The following ATOSA variants were observed in gnomAD, a reference collection of about 807,000 sequenced individuals.
ATOSA encodes the protein atos homolog A, also known as atos homolog protein A.
At chr15:52,636,980 G>T in the ATOSA span, among the ~76,000 whole-genome samples, 1 of 152,112 alleles carries the variant, frequency 6.6e-6, no homozygotes, top group South Asian at 2.1e-4. Context: ...TGTACTTCTG[G>T]TTGGCACTCA....
the ATOSA span, among the ~76,000 whole-genome samples, chr15:52,680,901 A>G: frequency 1.1e-5 from 1 of 94,886 alleles, no homozygotes; most frequent in Admixed American, 1.1e-4. Flanking sequence ...AATGGGAGAC[A>G]GAACAGTTAC....
chr15:52,702,958 T>C, the ATOSA span, among the ~76,000 whole-genome samples: 1 of 152,068 alleles, frequency 6.6e-6, no homozygotes, highest in Admixed American at 6.6e-5. Context: ...TGTACACAAA[T>C]TTTCATAGTA....
chr15:52,636,382 T>C, the ATOSA span, among the ~76,000 whole-genome samples: 2 of 152,146 alleles, frequency 1.3e-5, no homozygotes, highest in African/African-American at 4.8e-5. Context: ...AAAACTCATA[T>C]GTTGAAGTCC....
At chr15:52,621,836 C>T in the ATOSA span, among the ~76,000 whole-genome samples, 1 of 150,812 alleles carries the variant, frequency 6.6e-6, no homozygotes, top group Admixed American at 6.6e-5. Context: ...TGAGAATACA[C>T]TAACATACTT....
At chr15:52,592,661 T>TA in the ATOSA span, among the ~76,000 whole-genome samples, 504 of 152,262 alleles carry the variant, frequency 3.3e-3, 21 homozygotes, top group East Asian at 0.093. Context: ...GCTGATGAGC[T>TA]AAAAAACAAA....
the ATOSA span, among the ~76,000 whole-genome samples, chr15:52,591,497 G>A: frequency 3.4e-3 from 519 of 152,188 alleles, 5 homozygotes; most frequent in South Asian, 4.4e-3. Context: ...TGATCTGTCC[G>A]CCCCAGCCTC....
the ATOSA span, chr15:52,608,855 CTTTTA>C: frequency 1.9e-6 from 3 of 1,609,208 alleles, no homozygotes; most frequent in Non-Finnish European, 2.5e-6. Flanking sequence ...AACACAGTAA[CTTTTA>C]TTTTTGAGTC....
At chr15:52,613,704 G>C in the ATOSA span, 1 of 1,613,858 alleles carries the variant, frequency 6.2e-7, no homozygotes, top group Non-Finnish European at 8.5e-7. Context: ...TTCATGTTTG[G>C]TAGTTACTGG....
At chr15:52,586,500 AT>A in the ATOSA span, 2 of 152,242 alleles carry the variant, frequency 1.3e-5, no homozygotes, top group Admixed American at 6.5e-5. Context: ...TCTGTAATAG[AT>A]TTGAGGGCTT....
the ATOSA span, among the ~76,000 whole-genome samples, chr15:52,692,596 G>A: frequency 4.7e-4 from 71 of 152,164 alleles, no homozygotes; most frequent in Middle Eastern, 0.017. Context: ...TCAAGCCATC[G>A]TCCTGCTTTG....
At chr15:52,600,971 C>T in the ATOSA span, 1 of 715,002 alleles carries the variant, frequency 1.4e-6, no homozygotes, top group South Asian at 1.8e-5. Context: ...GTATCATACT[C>T]TAAATAAGAT....
the ATOSA span, among the ~76,000 whole-genome samples, chr15:52,630,192 C>G: frequency 6.6e-6 from 1 of 152,044 alleles, no homozygotes; most frequent in African/African-American, 2.4e-5. Flanking sequence ...AAAGTAGCCC[C>G]AAATTTCTAA....
At chr15:52,610,199 T>G in the ATOSA span, 1 of 1,614,022 alleles carries the variant, frequency 6.2e-7, no homozygotes, top group South Asian at 1.1e-5. Context: ...TGTTGAATTC[T>G]TTTCTCATAA....
chr15:52,624,819 C>T, the ATOSA span, among the ~76,000 whole-genome samples: 5 of 150,992 alleles, frequency 3.3e-5, no homozygotes, highest in Non-Finnish European at 7.4e-5. Context: ...GTTCTGTCAC[C>T]CAGGCTGGAG....
At chr15:52,603,491 G>GA in the ATOSA span, among the ~76,000 whole-genome samples, 3 of 151,392 alleles carry the variant, frequency 2.0e-5, no homozygotes, top group Admixed American at 6.6e-5. Flanking sequence ...ATATCTTAAG[G>GA]AAAAAAAAGG....
chr15:52,641,841 A>G, the ATOSA span, among the ~76,000 whole-genome samples: 1 of 152,242 alleles, frequency 6.6e-6, no homozygotes. Context: ...AACTCTGCCA[A>G]AGGCAGTATC....
At chr15:52,587,356 A>G in the ATOSA span, 1 of 693,022 alleles carries the variant, frequency 1.4e-6, no homozygotes. Context: ...GAATTAATAG[A>G]GATACATTCT....
the ATOSA span, among the ~76,000 whole-genome samples, chr15:52,621,709 T>G: frequency 3.3e-5 from 5 of 152,186 alleles, no homozygotes; most frequent in Non-Finnish European, 7.4e-5. Flanking sequence ...ACTTAAGATG[T>G]GCCTTTCACC....
At chr15:52,583,225 A>C in the ATOSA span, among the ~76,000 whole-genome samples, 70 of 152,296 alleles carry the variant, frequency 4.6e-4, 1 homozygote, top group African/African-American at 1.4e-3. Context: ...GAGATTATAA[A>C]AGCTAAGGTG....
Sources: allele counts gnomAD v4.1 joint callset (sites outside exome capture counted in the v4.1 genomes callset), GRCh38; gene constraint gnomAD v4.1.1; transcripts MANE v1.5; gene names NCBI Gene and HGNC (gene_info 2026-07-23, HGNC 2026-07-21).